PTPRQ: variants seen among roughly 807,000 people sequenced by gnomAD.
PTPRQ encodes the protein protein tyrosine phosphatase receptor type Q.
In PTPRQ, 199 loss-of-function variants were observed where a neutral mutation model predicts 246.0. The ratio of observed to expected loss-of-function variants is 0.81; its 90% CI spans 0.72 to 0.91. The LOEUF (loss-of-function observed/expected upper bound fraction) is 0.91. PTPRQ is among the 40% of genes least tolerant of loss of function. The pLI is 0.00. For missense variants in PTPRQ, 2,624 were observed against 2,528.4 expected (o/e 1.04, Z -0.81); for synonymous variants, 869 against 853.2 (o/e 1.02, Z -0.32).
Position 80,588,297 on chromosome 12 carries a change from A to G in PTPRQ, c.4454A>G (p.Tyr1485Cys). The G allele has an allele frequency of 6.4e-7, 1 of 1,551,620 alleles. No individual in the cohort carries two copies. The highest frequency in any genetic ancestry group is 8.7e-7 in the Non-Finnish European group (1 of 1,146,926). The stretch of plus-strand genomic sequence containing the variant: ...TGGGAATCCGAAGAATGTGTTGAAT[A>G]TCAAAAAATTCAATACCTCTATGAA... The part of the protein sequence containing the change: ...KEWESEECVE[Y>C]QKIQYLYEAH... Residue 1485 changes from tyrosine to cysteine, a missense_variant, in exon 26 of 45, where the codon TAT becomes TGT. Transcript: ENST00000644991.
intron 6 of PTPRQ, among the ~76,000 whole-genome samples, chr12:80,463,621 G>T (rs1321916604): frequency 1.3e-5 from 2 of 151,938 alleles, no homozygotes; most frequent in Admixed American, 1.3e-4. Context: ...CAGAGAGAAA[G>T]GTCGGGTTAC....
rs1013390028 is a variant in PTPRQ at position 80,472,345 on chromosome 12, T to C, written c.1186+94T>C. On this transcript the variant is annotated intron_variant, in intron 8 of 44. Coordinates refer to ENST00000644991, the MANE Select transcript of PTPRQ (RefSeq NM_001145026.2). ...ATATTAGAAGCAATTTGTTTTACAT[T>C]TACTTAAATCATGTTATTTCCTTAT... is the stretch of plus-strand genomic sequence containing the variant. The C allele has an allele frequency of 2.7e-6, 4 of 1,471,196 alleles. No individual in the cohort carries two copies. In the African/African-American group the frequency reaches 4.3e-5, roughly 16 times the overall value. 91.1% of individuals were successfully genotyped at this position (1,471,196 alleles called of 1,614,324 possible). A position where few individuals can be genotyped will look rare whatever the true frequency, so the allele number is the denominator to read the frequency against.
intron 25 of PTPRQ, among the ~76,000 whole-genome samples, chr12:80,563,176 C>A (rs1040341580): frequency 2.1e-4 from 32 of 152,092 alleles, no homozygotes; most frequent in African/African-American, 7.0e-4. Flanking sequence ...GACCGATAAA[C>A]AACAAAACTT....
intron 6 of PTPRQ, among the ~76,000 whole-genome samples, chr12:80,465,854 C>T (rs902052184): frequency 2.6e-5 from 4 of 152,122 alleles, no homozygotes; most frequent in Non-Finnish European, 4.4e-5. Context: ...TGGGACGTAT[C>T]TCAAAATAAT....
chr12:80,489,419 C>T (rs527569892), intron 9 of PTPRQ, among the ~76,000 whole-genome samples: 14 of 151,972 alleles, frequency 9.2e-5, no homozygotes, highest in Non-Finnish European at 1.6e-4. Context: ...ATTTAACACT[C>T]TGTAACACAC....
chr12:80,587,258 T>C (rs1005352513), intron 25 of PTPRQ, among the ~76,000 whole-genome samples: 6 of 152,222 alleles, frequency 3.9e-5, no homozygotes, highest in Admixed American at 3.3e-4. Flanking sequence ...AAAATGTGAA[T>C]ATTAATATAC....
At chr12:80,491,826 C>G (rs1894458997) in intron 9 of PTPRQ, among the ~76,000 whole-genome samples, 1 of 151,668 alleles carries the variant, frequency 6.6e-6, no homozygotes, top group Non-Finnish European at 1.5e-5. Flanking sequence ...GCCTAGAAAA[C>G]CTGTTTTTGG....
chr12:80,606,977 T>C (rs1555204930), intron 27 of PTPRQ, among the ~76,000 whole-genome samples: 1 of 150,920 alleles, frequency 6.6e-6, no homozygotes, highest in Non-Finnish European at 1.5e-5. Flanking sequence ...ACAAAAAAAA[T>C]AAAACATATT....
chr12:80,521,056 A>T (rs1592608909), intron 17 of PTPRQ, among the ~76,000 whole-genome samples: 1 of 152,024 alleles, frequency 6.6e-6, no homozygotes, highest in East Asian at 1.9e-4. Context: ...CACCATTCTA[A>T]CTGGTGTGAG....
chr12:80,478,492 T>C (rs572160317), intron 8 of PTPRQ, among the ~76,000 whole-genome samples: 36 of 152,296 alleles, frequency 2.4e-4, no homozygotes, highest in Admixed American at 1.6e-3. Flanking sequence ...TCCAAAGGAA[T>C]GCAGTTCCTC....
chr12:80,539,991 T>A (rs1251148138), intron 20 of PTPRQ, 47 bp downstream of exon 20: 1 of 1,368,038 alleles, frequency 7.3e-7, no homozygotes, highest in East Asian at 2.8e-5. Flanking sequence ...AATTTAAAAC[T>A]TATTATTTTA....
At chr12:80,541,409 G>A (rs1242814501) in intron 20 of PTPRQ, 146 bp from the exon 21 acceptor site, 2 of 484,958 alleles carry the variant, frequency 4.1e-6, no homozygotes, top group South Asian at 9.2e-5. Flanking sequence ...TTTTATAATA[G>A]GTGAATGTTT....
chr12:80,571,438 T>A (rs1230999387), intron 25 of PTPRQ, among the ~76,000 whole-genome samples: 1 of 152,220 alleles, frequency 6.6e-6, no homozygotes, highest in African/African-American at 2.4e-5. Context: ...ACACCCAGCC[T>A]ACAATTCTTT....
chr12:80,471,226 G>T lies in PTPRQ; in HGVS notation c.1040-879G>T, dbSNP rs376774168. On this transcript the variant is annotated intron_variant, in intron 7 of 44. Coordinates refer to ENST00000644991, the MANE Select transcript of PTPRQ (RefSeq NM_001145026.2). ...AAGGACAACACCTACCACACCTAAA[G>T]GCCTGGTTACTTGAGAGCTGTGGGG... Among the ~76,000 whole-genome samples the T allele has an allele frequency of 9.2e-5, 14 of 152,130 alleles. No individual in the cohort carries two copies. In the South Asian group the frequency reaches 2.9e-3, roughly 32 times the overall value.
intron 17 of PTPRQ, among the ~76,000 whole-genome samples, chr12:80,522,097 C>T (rs985518982): frequency 3.9e-5 from 6 of 152,038 alleles, no homozygotes; most frequent in African/African-American, 1.5e-4. Flanking sequence ...AAGTTGGATT[C>T]CTAGGTATTT....
chr12:80,618,339 A>T (rs924654304), intron 30 of PTPRQ, among the ~76,000 whole-genome samples: 1 of 145,692 alleles, frequency 6.9e-6, no homozygotes, highest in Non-Finnish European at 1.5e-5. Context: ...TAAGTAACTT[A>T]CTGATGCTCA....
rs1900877658 is a variant in PTPRQ at position 80,669,017 on chromosome 12, G to A, written c.6203G>A (p.Cys2068Tyr). 6.5e-7 allele frequency: 1 copy of A among 1,549,472 alleles called. No individual in the cohort carries two copies. Among genetic ancestry groups the A allele is most frequent in the African/African-American group, 1.4e-5 (1 of 73,012 alleles). ...ATTATATCCTTCTAGGGTTATTTAT[G>A]TCCAAATGAATTTATTGCTACTCAA... The part of the protein sequence containing the change: ...INASYISGYL[C>Y]PNEFIATQGP... Residue 2068 changes from cysteine to tyrosine, a missense_variant, in exon 40 of 45, where the codon TGT (cysteine) becomes TAT (tyrosine). Physicochemically the swap from Cys to Tyr is radical, Grantham distance 194. Coordinates refer to ENST00000644991, the MANE Select transcript of PTPRQ (RefSeq NM_001145026.2).
intron 43 of PTPRQ, among the ~76,000 whole-genome samples, chr12:80,676,157 C>T (rs191297754): frequency 1.3e-5 from 2 of 152,222 alleles, no homozygotes; most frequent in Admixed American, 1.3e-4. Context: ...CCTTACAAAC[C>T]AGCATTGCCT....
At chr12:80,491,607 T>G (rs1894451898) in intron 9 of PTPRQ, among the ~76,000 whole-genome samples, 1 of 152,122 alleles carries the variant, frequency 6.6e-6, no homozygotes, top group Middle Eastern at 3.4e-3. Context: ...TAACAAGATT[T>G]AGACAATTGC....
Sources: gnomAD v4.1 joint callset for allele counts (sites outside exome capture counted in the v4.1 genomes callset) on GRCh38, gnomAD v4.1.1 for gene constraint, MANE v1.5 for transcripts, NCBI Gene and HGNC (gene_info 2026-07-23, HGNC 2026-07-21) for gene names.